VPS39: variants seen among roughly 807,000 people sequenced by gnomAD.
The protein encoded by VPS39 is VPS39 subunit of HOPS complex, also known as vam6/Vps39-like protein.
In VPS39, 70 loss-of-function variants were observed where a neutral mutation model predicts 121.0. That is an observed-to-expected ratio of 0.58 (90% confidence interval 0.48 to 0.71). VPS39 has a LOEUF of 0.71. Among genes scored for constraint, VPS39 ranks in the 30% least tolerant of loss-of-function variants. VPS39 has a pLI of 0.00. For missense variants in VPS39, 818 were observed against 1,051.5 expected, an observed-to-expected ratio of 0.78 and a Z score of 3.07; for synonymous variants, 378 against 398.1, an observed-to-expected ratio of 0.95 and a Z score of 0.60.
At position 42,159,250 on chromosome 15, in the gene VPS39, C is replaced by G. The variant is rs1281571985; in HGVS notation, c.*1504G>C. On this transcript the variant is annotated 3_prime_UTR_variant, in exon 25 of 25. Transcript: ENST00000318006. ...GACGGCATGCCTGGGGAAGCCTAGT[C>G]TACTTACCATCAGCACGTTGATCTG... 6.6e-6 allele frequency: 1 copy of G among 152,316 alleles called. No individual in the cohort carries two copies. Among genetic ancestry groups the G allele is most frequent in the South Asian group, 2.1e-4 (1 of 4,832 alleles). The allele number at this position is 152,316 out of a possible 1,614,324, so 9.4% of individuals were successfully genotyped here. A position where few individuals can be genotyped will look rare whatever the true frequency, so the allele number is the denominator to read the frequency against.
chr15:42,187,167 T>C (rs2049720449), intron 7 of VPS39, 104 bp downstream of exon 7: 2 of 791,272 alleles, frequency 2.5e-6, no homozygotes, highest in Non-Finnish European at 4.0e-6. Context: ...AATCCTGTTA[T>C]GCCAAAAGCT....
chr15:42,184,483 C>G (rs375624766), intron 8 of VPS39, 34 bp downstream of exon 8: 2 of 1,559,134 alleles, frequency 1.3e-6, no homozygotes, highest in African/African-American at 2.7e-5. Flanking sequence ...AACCTCAACC[C>G]AAAGTGGGAA....
intron 16 of VPS39, 76 bp from the exon 17 acceptor site, chr15:42,165,892 C>G: frequency 7.1e-7 from 1 of 1,409,724 alleles, no homozygotes; most frequent in Non-Finnish European, 1.0e-6. Context: ...CATGTGAGCG[C>G]AGGGATCAAA....
rs774595748 is a variant in VPS39, at chr15:42,163,657, G to T, written c.2098C>A (p.His700Asn). Reference sequence around the variant, plus strand: ...GCCATCCTTGTATCCTTCAAGATGTGGACATAAATGAAAAGAGCTTGTTCA... The same window carrying T: ...GCCATCCTTGTATCCTTCAAGATGTTGACATAAATGAAAAGAGCTTGTTCA... ...KHEQALFIYV[H>N]ILKDTRMAEE... The change falls in exon 20 of 25, where the codon CAC (histidine) becomes AAC (asparagine). Residue 700 changes from histidine (H) to asparagine (N), a missense_variant. By Grantham distance (68) the His-to-Asn change is moderately conservative. Transcript: ENST00000318006. 23 of 1,613,964 alleles carry T rather than the reference G, an allele frequency of 1.4e-5. No individual in the cohort carries two copies. The highest frequency in any genetic ancestry group is 1.9e-5 in the Non-Finnish European group (22 of 1,179,962).
chr15:42,186,382 A>G (rs530289451), intron 7 of VPS39, among the ~76,000 whole-genome samples: 1 of 152,228 alleles, frequency 6.6e-6, no homozygotes, highest in South Asian at 2.1e-4. Context: ...CGGAGGCTGC[A>G]GTGAGCCAAG....
At chr15:42,171,405 G>A (rs2049345556) in intron 11 of VPS39, among the ~76,000 whole-genome samples, 1 of 152,164 alleles carries the variant, frequency 6.6e-6, no homozygotes, top group South Asian at 2.1e-4. Context: ...CACCTGCCTG[G>A]ATACAGCAGC....
In VPS39 at chr15:42,163,706, G is replaced by A. The variant is rs1272151368; in HGVS notation, c.2049C>T (p.Leu683=). 1.2e-6 allele frequency: 2 copies of A among 1,613,394 alleles called. No individual in the cohort carries two copies. The highest frequency in any genetic ancestry group is 1.7e-5 in the Admixed American group (1 of 59,916). ...CATGTTTCCCCATGCGCCCCAACAGGAGAGCTCGTTCTTCTAAGAGGCCTA... is the reference window on the plus strand; with the variant it reads ...CATGTTTCCCCATGCGCCCCAACAGAAGAGCTCGTTCTTCTAAGAGGCCTA... ...PFDGLLEERA[L]LLGRMGKHEQ... The change falls in exon 20 of 25, where the codon CTC becomes CTT. Residue 683 remains leucine, a synonymous_variant. Coordinates refer to ENST00000318006, the MANE Select transcript of VPS39 (RefSeq NM_015289.5).
At position 42,172,744 on chromosome 15, in the gene VPS39, G is replaced by A. The variant is rs571024534; in HGVS notation, c.1090+979C>T. 9.2e-5 allele frequency among the ~76,000 whole-genome samples: 14 copies of A among 152,224 alleles called. No homozygotes were observed. The East Asian group carries it at 2.1e-3, about 23-fold the overall frequency. On this transcript the variant is annotated intron_variant, in intron 11 of 24. Transcript: ENST00000318006. ...TGGGAGGGCTTCCAGAGCTCCCTTC[G>A]TTTCCATCTATTCCCCAGCCTAATC...
intron 4 of VPS39, 105 bp from the exon 5 acceptor site, chr15:42,189,313 T>C: frequency 2.6e-6 from 2 of 783,728 alleles, no homozygotes; most frequent in South Asian, 1.5e-5. Context: ...AAGAAGCAAA[T>C]GGCAGATGTT....
chr15:42,193,062 G>A (rs536839129), intron 2 of VPS39, among the ~76,000 whole-genome samples: 18 of 152,296 alleles, frequency 1.2e-4, no homozygotes, highest in Non-Finnish European at 2.5e-4. Context: ...TTACAGGAGT[G>A]AGCCACTGCC....
intron 6 of VPS39, 118 bp downstream of exon 6, chr15:42,187,640 A>G: frequency 1.1e-6 from 1 of 902,416 alleles, no homozygotes; most frequent in East Asian, 2.4e-5. Flanking sequence ...GCTCTCATGC[A>G]CTTCATACCA....
chr15:42,166,625 G>A lies in VPS39; in HGVS notation c.1544C>T (p.Ser515Phe). Residue 515 changes from serine (S) to phenylalanine (F), a missense_variant, in exon 15 of 25, where the codon TCC becomes TTC. By Grantham distance (155) the Ser-to-Phe change is radical. Coordinates refer to ENST00000318006, the MANE Select transcript of VPS39 (RefSeq NM_015289.5). ...TTTCAGAGGGGAGTTGGCTTTCTTGGACTGGTCCACGAGCACCTGCAGAGC... is the reference window on the plus strand; with the variant it reads ...TTTCAGAGGGGAGTTGGCTTTCTTGAACTGGTCCACGAGCACCTGCAGAGC... The part of the protein sequence containing the change: ...EKALQVLVDQ[S>F]KKANSPLKGH... 1 of 1,614,168 alleles carries A rather than the reference G, an allele frequency of 6.2e-7. No individual in the cohort carries two copies. Among genetic ancestry groups the A allele is most frequent in the Non-Finnish European group, 8.5e-7 (1 of 1,180,040 alleles).
At chr15:42,193,818 G>T (rs2049878555) in intron 2 of VPS39, among the ~76,000 whole-genome samples, 1 of 146,550 alleles carries the variant, frequency 6.8e-6, no homozygotes, top group East Asian at 2.0e-4. Context: ...ACTGCCAGTT[G>T]TTTACCTTAA....
intron 7 of VPS39, 78 bp downstream of exon 7, chr15:42,187,193 G>T: frequency 4.4e-6 from 5 of 1,148,298 alleles, no homozygotes; most frequent in Non-Finnish European, 6.2e-6. Context: ...TAAAGTGGTC[G>T]CTTGACCTGG....
intron 1 of VPS39, among the ~76,000 whole-genome samples, chr15:42,207,129 G>A (rs1474393004): frequency 4.6e-5 from 7 of 152,054 alleles, no homozygotes; most frequent in Non-Finnish European, 1.0e-4. Flanking sequence ...AGGATGACTC[G>A]GTGACACTGT....
rs565095448 is a variant in VPS39 at position 42,169,774 on chromosome 15, C to T, written c.1183G>A (p.Gly395Arg). 3.7e-6 allele frequency: 6 copies of T among 1,614,098 alleles called. No individual in the cohort carries two copies. Among genetic ancestry groups the T allele is most frequent in the African/African-American group, 2.7e-5 (2 of 75,024 alleles). ...AAGTGAGCCTTCTCCAATTCAGCCC[C>T]GGAGAGCACAGGCAATGGGTTGGGA... is the stretch of plus-strand genomic sequence containing the variant. Reference protein sequence around the residue: ...QYPNPLPVLSGAELEKAHLAL... With the variant: ...QYPNPLPVLSRAELEKAHLAL... The change falls in exon 12 of 25, where the codon GGG (glycine) becomes AGG (arginine). Residue 395 changes from glycine (G) to arginine (R), a missense_variant. Transcript: ENST00000318006.
intron 2 of VPS39, among the ~76,000 whole-genome samples, chr15:42,194,708 G>C (rs540953962): frequency 6.6e-6 from 1 of 152,070 alleles, no homozygotes; most frequent in African/African-American, 2.4e-5. Context: ...ACTCTAGTCT[G>C]AGTGACAGAA....
At chr15:42,165,669 C>T (rs902642158) in intron 17 of VPS39, 49 bp downstream of exon 17, 1 of 1,508,440 alleles carries the variant, frequency 6.6e-7, no homozygotes, top group African/African-American at 1.4e-5. Flanking sequence ...CCACGCAGTC[C>T]TGGATCCTGG....
chr15:42,191,599 G>C, intron 2 of VPS39, 39 bp from the exon 3 acceptor site: 2 of 1,573,510 alleles, frequency 1.3e-6, no homozygotes, highest in African/African-American at 2.7e-5. Flanking sequence ...TCCAAATACA[G>C]GGATACATAG....
Sources: gnomAD v4.1 joint callset for allele counts (sites outside exome capture counted in the v4.1 genomes callset) on GRCh38, gnomAD v4.1.1 for gene constraint, MANE v1.5 for transcripts, NCBI Gene and HGNC (gene_info 2026-07-23, HGNC 2026-07-21) for gene names.